Variants in NMT1 observed in about 807,000 individuals in gnomAD.
NMT1 encodes the protein N-myristoyltransferase 1.
Under a neutral mutation model 63.4 loss-of-function variants are expected in NMT1, and 12 were observed. The ratio of observed to expected loss-of-function variants is 0.19; its 90% CI spans 0.12 to 0.31. NMT1 has a LOEUF of 0.31. Ranked by LOEUF, NMT1 falls within the 10% of genes least tolerant of loss-of-function variation. The pLI is 1.00. For synonymous variants in NMT1, 228 were observed against 234.3 expected (o/e 0.97, Z 0.25); for missense variants, 432 against 634.6 (o/e 0.68, Z 3.43).
chr17:45,103,245 C>A lies in NMT1; in HGVS notation c.1164+124C>A. ...CTTCCTTGACCATCCGTGTTTGGTC[C>A]TCCCTAAAAACAGGGAGTTGGTGCT... On this transcript the variant is annotated intron_variant, in intron 9 of 11. Coordinates refer to ENST00000258960, the MANE Select transcript of NMT1 (RefSeq NM_021079.5). This position sits in a 1 kb window ranked among gnomAD's most constrained non-coding sequence, Gnocchi z 4.8. 1 of 950,574 alleles carries A rather than the reference C, an allele frequency of 1.1e-6. No individual in the cohort carries two copies. The highest frequency in any genetic ancestry group is 1.6e-6 in the Non-Finnish European group (1 of 630,270). 58.9% of individuals were successfully genotyped at this position (950,574 alleles called of 1,614,324 possible). A position where few individuals can be genotyped will look rare whatever the true frequency, so the allele number is the denominator to read the frequency against.
rs1034274080 is a variant in NMT1 at position 45,107,184 on chromosome 17, G to C, written c.*1545G>C. On this transcript the variant is annotated 3_prime_UTR_variant, in exon 12 of 12. Transcript: ENST00000258960. Reference sequence around the variant, plus strand: ...GAAGCCACTTTCTACAGGCCAGCAGGGGCTTGTTGCAGGCTGTGGGTTTTG... The same window carrying C: ...GAAGCCACTTTCTACAGGCCAGCAGCGGCTTGTTGCAGGCTGTGGGTTTTG... The C allele has an allele frequency of 2.6e-5, 4 of 152,276 alleles. No individual in the cohort carries two copies. The highest frequency in any genetic ancestry group is 2.0e-4 in the Admixed American group (3 of 15,284). 9.4% of individuals were successfully genotyped at this position (152,276 alleles called of 1,614,324 possible). A position where few individuals can be genotyped will look rare whatever the true frequency, so the allele number is the denominator to read the frequency against.
At chr17:45,071,922 A>C (rs1339054774) in intron 1 of NMT1, among the ~76,000 whole-genome samples, 1 of 152,128 alleles carries the variant, frequency 6.6e-6, no homozygotes, top group Non-Finnish European at 1.5e-5. Context: ...CTTCTCAAGG[A>C]GTAGGACAGA....
intron 1 of NMT1, among the ~76,000 whole-genome samples, chr17:45,070,510 C>T (rs368182210): frequency 4.6e-5 from 7 of 152,282 alleles, no homozygotes; most frequent in South Asian, 2.1e-4. Flanking sequence ...CTGCGTCTCC[C>T]GGGCTCACGC....
In NMT1 at chr17:45,103,659, C is replaced by T. The variant is rs1323384795; in HGVS notation, c.1165-50C>T. 1 of 1,549,200 alleles carries T rather than the reference C, an allele frequency of 6.5e-7. No individual in the cohort carries two copies. The highest frequency in any genetic ancestry group is 1.4e-5 in the African/African-American group (1 of 72,984). On this transcript the variant is annotated intron_variant, in intron 9 of 11. Coordinates refer to ENST00000258960, the MANE Select transcript of NMT1 (RefSeq NM_021079.5). The surrounding 1 kb of genome is among the most constrained non-coding windows in gnomAD (Gnocchi z 4.8). ...AGAGAAACATTTTGTTCCCGGGCCG[C>T]AGTGCCACTGTGCATGCTTGACATT...
chr17:45,103,797 C>T lies in NMT1; in HGVS notation c.1253C>T (p.Ala418Val). Residue 418 changes from alanine to valine, a missense_variant, in exon 10 of 12, where the codon GCT becomes GTT. This residue lies in a region of NMT1 where 295 missense variants were observed against 489.7 expected (regional missense o/e 0.60). Transcript: ENST00000258960. The surrounding 1 kb of genome is among the most constrained non-coding windows in gnomAD (Gnocchi z 4.8). ...MNHPTHKSLK[A>V]AYSFYNVHTQ... ...CATCCAACCCACAAGAGTCTCAAAG[C>T]TGCTTATTCTTTCTACAACGTTCAC... The T allele has an allele frequency of 6.2e-7, 1 of 1,614,220 alleles. No homozygotes were observed. Among genetic ancestry groups the T allele is most frequent in the African/African-American group, 1.3e-5 (1 of 75,060 alleles).
At chr17:45,077,796 T>C (rs1457792893) in intron 1 of NMT1, among the ~76,000 whole-genome samples, 1 of 152,216 alleles carries the variant, frequency 6.6e-6, no homozygotes, top group East Asian at 1.9e-4. Flanking sequence ...CAGATGGTCC[T>C]GTGTGCAATA....
chr17:45,083,539 T>C (rs1215374542), intron 2 of NMT1: 1 of 152,212 alleles, frequency 6.6e-6, no homozygotes, highest in African/African-American at 2.4e-5. Flanking sequence ...ATACCATTAT[T>C]ATTTAATACC....
At position 45,098,638 on chromosome 17, in the gene NMT1, G is replaced by A. The variant is rs536631976; in HGVS notation, c.884+86G>A. 50 of 1,280,478 alleles carry A rather than the reference G, an allele frequency of 3.9e-5. 1 individual carries two copies. The South Asian group carries it at 5.4e-4, about 14-fold the overall frequency. The allele number at this position is 1,280,478 out of a possible 1,614,324, so 79.3% of individuals were successfully genotyped here. ...ATGTGCCACTGTGAGTCACAGCTCC[G>A]CCCTTAGCATCCCACCTCTGGCGTA... On this transcript the variant is annotated intron_variant, in intron 7 of 11. Transcript: ENST00000258960.
Position 45,079,933 on chromosome 17 carries a change from A to C in NMT1, c.132-1711A>C, listed in dbSNP as rs1273508633. Among the ~76,000 whole-genome samples, 4 of 152,186 alleles carry C rather than the reference A, an allele frequency of 2.6e-5. No homozygotes were observed. The South Asian group carries it at 6.2e-4, about 24-fold the overall frequency. ...CAGAATGGTCTCAATCTCCTGACCT[A>C]GTGATCCGCCCGCCTCGGCCTCCCA... is the stretch of plus-strand genomic sequence containing the variant. On this transcript the variant is annotated intron_variant, in intron 1 of 11. Coordinates refer to ENST00000258960, the MANE Select transcript of NMT1 (RefSeq NM_021079.5).
chr17:45,063,459 C>T (rs1783614934), intron 1 of NMT1, among the ~76,000 whole-genome samples: 2 of 151,116 alleles, frequency 1.3e-5, no homozygotes, highest in South Asian at 4.2e-4. Flanking sequence ...ATGTGAAAGT[C>T]ATTCCAGAAG....
chr17:45,086,571 G>C lies in NMT1; in HGVS notation c.304G>C (p.Gly102Arg). ...IQKAIELFSV[G>R]QGPAKTMEEA... ...GAAGGCCATTGAGCTGTTCTCAGTG[G>C]GTCAGGGACCTGCCAAAACCATGGA... Residue 102 changes from glycine (G) to arginine (R), a missense_variant, in exon 3 of 12, where the codon GGT becomes CGT. Transcript: ENST00000258960. 1 of 1,613,786 alleles carries C rather than the reference G, an allele frequency of 6.2e-7. No homozygotes were observed. The highest frequency in any genetic ancestry group is 1.1e-5 in the South Asian group (1 of 91,044).
intron 7 of NMT1, chr17:45,098,755 C>G: frequency 5.7e-6 from 3 of 530,258 alleles, no homozygotes; most frequent in Non-Finnish European, 1.0e-5. Flanking sequence ...TGGCAAGTCC[C>G]TGCCTTGTCT....
chr17:45,100,426 C>T (rs1175105169), intron 8 of NMT1, among the ~76,000 whole-genome samples: 1 of 150,280 alleles, frequency 6.7e-6, no homozygotes, highest in Non-Finnish European at 1.5e-5. Context: ...ATTAGCCAGT[C>T]GTGGTGTGGT....
chr17:45,086,639 C>A lies in NMT1; in HGVS notation c.372C>A (p.Pro124=). ...KRSYQFWDTQ[P]VPKLGEVVNT... is the part of the protein sequence containing the mutation. ...GCTACCAGTTCTGGGATACGCAGCC[C>A]GTCCCCAAGCTGGGTATGTACATGC... is the stretch of plus-strand genomic sequence containing the variant. The change falls in exon 3 of 12, where the codon CCC becomes CCA. Residue 124 remains proline, a synonymous_variant. Transcript: ENST00000258960. The A allele has an allele frequency of 6.2e-7, 1 of 1,611,092 alleles. No individual in the cohort carries two copies. The highest frequency in any genetic ancestry group is 1.1e-5 in the South Asian group (1 of 90,726).
chr17:45,079,786 G>A (rs1393913848), intron 1 of NMT1, among the ~76,000 whole-genome samples: 1 of 152,022 alleles, frequency 6.6e-6, no homozygotes, highest in Non-Finnish European at 1.5e-5. Flanking sequence ...TGCAAGCTCC[G>A]CCTCCCAGGT....
chr17:45,093,829 C>T, intron 4 of NMT1, 26 bp downstream of exon 4: 1 of 1,581,432 alleles, frequency 6.3e-7, no homozygotes, highest in South Asian at 1.1e-5. Context: ...GAAGGTTACA[C>T]CTGCGGGTAG....
chr17:45,102,848 C>A (rs144650869), intron 8 of NMT1, 103 bp from the exon 9 acceptor site: 8 of 1,139,760 alleles, frequency 7.0e-6, no homozygotes, highest in South Asian at 3.4e-5. Flanking sequence ...AGGGAGCCGC[C>A]GAATGACCAG....
At chr17:45,088,018 A>G (rs1021866902) in intron 3 of NMT1, among the ~76,000 whole-genome samples, 4 of 152,236 alleles carry the variant, frequency 2.6e-5, no homozygotes, top group African/African-American at 7.2e-5. Context: ...TGAAAGTTTG[A>G]GAAGCTCTGC....
At chr17:45,061,509 G>T in intron 1 of NMT1, 49 bp downstream of exon 1, 2 of 1,565,186 alleles carry the variant, frequency 1.3e-6, no homozygotes, top group South Asian at 1.1e-5. Flanking sequence ...CCACAACCTG[G>T]GTCTCTGGGG....
Sources: gnomAD v4.1 joint callset for allele counts (sites outside exome capture counted in the v4.1 genomes callset) on GRCh38, gnomAD v4.1.1 for gene constraint, gnomAD v4.1.1 regional missense constraint, Gnocchi (gnomAD v3.1) non-coding constraint, MANE v1.5 for transcripts, NCBI Gene and HGNC (gene_info 2026-07-23, HGNC 2026-07-21) for gene names.